Variants in SLC16A6 observed in about 807,000 individuals in gnomAD.
SLC16A6 encodes solute carrier family 16 member 6.
Under a neutral mutation model 33.8 loss-of-function variants are expected in SLC16A6, and 15 were observed. That is an observed-to-expected ratio of 0.44 (90% CI 0.30 to 0.68). SLC16A6 has a LOEUF of 0.68. SLC16A6 is among the 30% of genes least tolerant of loss of function. SLC16A6 has a pLI of 0.10. For synonymous variants in SLC16A6, 219 were observed against 248.4 expected, an observed-to-expected ratio of 0.88 and a Z score of 1.11; for missense variants, 451 against 661.5, an observed-to-expected ratio of 0.68 and a Z score of 3.49.
chr17:68,272,594 C>T (rs782366190), intron 4 of SLC16A6, 45 bp downstream of exon 4: 3 of 1,597,288 alleles, frequency 1.9e-6, no homozygotes, highest in South Asian at 2.2e-5. Context: ...ACCTGAGTGA[C>T]GTCTCTCATC....
In SLC16A6 at chr17:68,270,533, G is replaced by A. The variant is rs1254247993; in HGVS notation, c.1321+306C>T. 1.4e-3 allele frequency among the ~76,000 whole-genome samples: 203 copies of A among 146,404 alleles called. 1 individual carries two copies. Among genetic ancestry groups the A allele is most frequent in the Non-Finnish European group, 2.6e-3 (174 of 67,048 alleles). ...TGCGCCACTGCACTCCAGCCTGGGT[G>A]ATAGAGCGAGACTCCATCTCAAAAA... On this transcript the variant is annotated intron_variant, in intron 5 of 5. Coordinates refer to ENST00000580666, the MANE Select transcript of SLC16A6 (RefSeq NM_004694.5).
Position 68,272,677 on chromosome 17 carries a change from G to A in SLC16A6, c.467C>T (p.Ser156Phe). ...AAACACAGCGAAACATTCTCCTGTG[G>A]AAGCAACTGCAGTGACTATGGAACG... ...KRRSIVTAVA[S>F]TGECFAVFAF... Residue 156 changes from serine to phenylalanine, a missense_variant, in exon 4 of 6, where the codon TCC (serine) becomes TTC (phenylalanine). Transcript: ENST00000580666. 6.2e-7 allele frequency: 1 copy of A among 1,614,176 alleles called. No homozygotes were observed. The highest frequency in any genetic ancestry group is 8.5e-7 in the Non-Finnish European group (1 of 1,180,014).
intron 1 of SLC16A6, among the ~76,000 whole-genome samples, chr17:68,283,277 T>C (rs1337878909): frequency 6.7e-6 from 1 of 148,302 alleles, no homozygotes; most frequent in Non-Finnish European, 1.5e-5. Flanking sequence ...TCCTAACACT[T>C]TGGGAGGCCG....
chr17:68,273,001 C>G (rs1428932465), intron 3 of SLC16A6, among the ~76,000 whole-genome samples: 1 of 146,866 alleles, frequency 6.8e-6, no homozygotes, highest in South Asian at 2.1e-4. Context: ...TTTTTTTTAT[C>G]TTTGCAACAC....
intron 1 of SLC16A6, among the ~76,000 whole-genome samples, chr17:68,281,635 T>C (rs986735270): frequency 6.6e-6 from 1 of 152,088 alleles, no homozygotes; most frequent in East Asian, 1.9e-4. Context: ...TCAAAAGACA[T>C]ACATATGGCC....
intron 2 of SLC16A6, among the ~76,000 whole-genome samples, chr17:68,276,773 A>C (rs2075537797): frequency 6.6e-6 from 1 of 152,114 alleles, no homozygotes; most frequent in East Asian, 1.9e-4. Flanking sequence ...TTCTGAGGTG[A>C]GTTCAACAGC....
upstream of SLC16A6, chr17:68,291,297 T>G (rs1255741316): frequency 5.0e-4 from 16 of 32,194 alleles, no homozygotes; most frequent in East Asian, 5.2e-3. Context: ...AGCCACACCC[T>G]CCCCCCGCCC....
In SLC16A6 at chr17:68,268,873, T is replaced by G; in HGVS notation, c.*223A>C. 1 of 796,882 alleles carries G rather than the reference T, an allele frequency of 1.3e-6. No homozygotes were observed. The highest frequency in any genetic ancestry group is 1.9e-6 in the Non-Finnish European group (1 of 525,818). The allele number at this position is 796,882 out of a possible 1,614,324, so 49.4% of individuals were successfully genotyped here. A position where few individuals can be genotyped will look rare whatever the true frequency, so the allele number is the denominator to read the frequency against. Reference sequence around the variant, plus strand: ...ATTTATATATGGAAGAGTGCTTGGTTGTTTTTTGTTTTGGCTTTAAAAACA... The same window carrying G: ...ATTTATATATGGAAGAGTGCTTGGTGGTTTTTTGTTTTGGCTTTAAAAACA... On this transcript the variant is annotated 3_prime_UTR_variant, in exon 6 of 6. Coordinates refer to ENST00000580666, the MANE Select transcript of SLC16A6 (RefSeq NM_004694.5).
intron 1 of SLC16A6, among the ~76,000 whole-genome samples, chr17:68,285,994 C>T (rs1180273923): frequency 1.3e-5 from 2 of 152,068 alleles, no homozygotes; most frequent in Non-Finnish European, 2.9e-5. Context: ...CTCCTGACCT[C>T]GTGATCCACC....
intron 2 of SLC16A6, 101 bp downstream of exon 2, chr17:68,277,988 G>T (rs547318076): frequency 2.7e-6 from 2 of 743,106 alleles, no homozygotes; most frequent in East Asian, 5.4e-5. Flanking sequence ...AGGCGTATAA[G>T]GGAATGAAAG....
chr17:68,279,811 C>T (rs2075634881), intron 1 of SLC16A6, among the ~76,000 whole-genome samples: 1 of 152,134 alleles, frequency 6.6e-6, no homozygotes, highest in South Asian at 2.1e-4. Flanking sequence ...TTTAGCCTAA[C>T]TAAAAATTAA....
rs58937538 is a variant in SLC16A6 at position 68,280,179 on chromosome 17, CA to C, written c.-7-1853del. ...CCTGGGCAATAGAGCAACTCTGTCT[CA>C]AAAAAAAAAAAAAAAAAAAAGAATT... On this transcript the variant is annotated intron_variant, in intron 1 of 5. Transcript: ENST00000580666. 5.9e-3 allele frequency among the ~76,000 whole-genome samples: 521 copies of C among 87,574 alleles called. 3 individuals carry two copies. The highest frequency in any genetic ancestry group is 0.015 in the African/African-American group (371 of 24,418). 57.5% of individuals were successfully genotyped at this position (87,574 alleles called of 152,430 possible). A position where few individuals can be genotyped will look rare whatever the true frequency, so the allele number is the denominator to read the frequency against.
chr17:68,286,098 G>A (rs1282160046), intron 1 of SLC16A6, among the ~76,000 whole-genome samples: 1 of 152,142 alleles, frequency 6.6e-6, no homozygotes, highest in Non-Finnish European at 1.5e-5. Context: ...TCACCATGTG[G>A]ACCGGGCTGT....
rs1316298688 is a variant in SLC16A6 at position 68,278,201 on chromosome 17, G to A, written c.120C>T (p.Gly40=). ...SFFFVEVFTY[G]IIKTFGVFFN... is the part of the protein sequence containing the mutation. ...AGAAGACACCAAATGTCTTGATGAT[G>A]CCGTAGGTGAAGACTTCAACGAAGA... The change falls in exon 2 of 6, where the codon GGC becomes GGT. Residue 40 remains glycine (G), a synonymous_variant. Coordinates refer to ENST00000580666, the MANE Select transcript of SLC16A6 (RefSeq NM_004694.5). 4 of 1,614,022 alleles carry A rather than the reference G, an allele frequency of 2.5e-6. No individual in the cohort carries two copies. The highest frequency in any genetic ancestry group is 3.4e-6 in the Non-Finnish European group (4 of 1,179,848).
Position 68,270,933 on chromosome 17 carries a change from C to T in SLC16A6, c.1227G>A (p.Glu409=), listed in dbSNP as rs782228043. The change falls in exon 5 of 6, where the codon GAG becomes GAA. Residue 409 remains glutamate (E), a synonymous_variant. Transcript: ENST00000580666. ...IGGTHIPLLA[E]DDVVGIEKMS... ...TCTTCTCAATGCCCACGACATCATC[C>T]TCAGCAAGCAGTGGAATGTGAGTCC... 1.2e-6 allele frequency: 2 copies of T among 1,614,234 alleles called. No individual in the cohort carries two copies. Among genetic ancestry groups the T allele is most frequent in the Non-Finnish European group, 1.7e-6 (2 of 1,180,042 alleles).
chr17:68,271,960 G>A lies in SLC16A6; in HGVS notation c.506-306C>T, dbSNP rs2075355745. On this transcript the variant is annotated intron_variant, in intron 4 of 5. Transcript: ENST00000580666. This position sits in a 1 kb window ranked among gnomAD's most constrained non-coding sequence, Gnocchi z 5.3. ...TGGGACTATAGGCGTGCGCCACCAC[G>A]ACCAGCCAATTTTTGTATTTTTAGT... Among the ~76,000 whole-genome samples, 3 of 152,098 alleles carry A rather than the reference G, an allele frequency of 2.0e-5. No homozygotes were observed. The highest frequency in any genetic ancestry group is 4.8e-5 in the African/African-American group (2 of 41,408).
At chr17:68,275,147 A>G (rs1482758222) in intron 2 of SLC16A6, among the ~76,000 whole-genome samples, 2 of 152,216 alleles carry the variant, frequency 1.3e-5, no homozygotes, top group Non-Finnish European at 2.9e-5. Context: ...GAGAGTTGCT[A>G]TGGGATAGAT....
chr17:68,271,718 A>G lies in SLC16A6; in HGVS notation c.506-64T>C. The G allele has an allele frequency of 7.6e-7, 1 of 1,316,366 alleles. No homozygotes were observed. The highest frequency in any genetic ancestry group is 1.0e-6 in the Non-Finnish European group (1 of 954,542). 81.5% of individuals were successfully genotyped at this position (1,316,366 alleles called of 1,614,324 possible). ...CAATAATGGACTCAAGACCCAGGAGAAGCCATCAAGAAGAAATATGGATCC... is the reference window on the plus strand; with the variant it reads ...CAATAATGGACTCAAGACCCAGGAGGAGCCATCAAGAAGAAATATGGATCC... On this transcript the variant is annotated intron_variant, in intron 4 of 5. Transcript: ENST00000580666. This position sits in a 1 kb window ranked among gnomAD's most constrained non-coding sequence, Gnocchi z 5.3.
At chr17:68,272,997 T>G (rs2075390561) in intron 3 of SLC16A6, among the ~76,000 whole-genome samples, 1 of 152,144 alleles carries the variant, frequency 6.6e-6, no homozygotes, top group Non-Finnish European at 1.5e-5. Flanking sequence ...TTTTTTTTTT[T>G]TATCTTTGCA....
Sources: allele counts gnomAD v4.1 joint callset (sites outside exome capture counted in the v4.1 genomes callset), GRCh38; gene constraint gnomAD v4.1.1; non-coding constraint Gnocchi (gnomAD v3.1); transcripts MANE v1.5; gene names NCBI Gene and HGNC (gene_info 2026-07-23, HGNC 2026-07-21).